Variants in ARL15 observed in about 807,000 individuals in gnomAD.
The protein encoded by ARL15 is ADP-ribosylation factor-like protein 15.
ARL15 carries 19 observed loss-of-function variants against 25.2 expected under a neutral mutation model. The observed-to-expected ratio is 0.75, with a 90% CI of 0.53 to 1.10. The LOEUF (loss-of-function observed/expected upper bound fraction) is 1.10. Ranked by LOEUF, ARL15 falls within the 50% of genes least tolerant of loss-of-function variation. The pLI, the probability that ARL15 is intolerant of heterozygous loss-of-function variation, is 0.00. For synonymous variants in ARL15, 94 were observed against 86.8 expected (o/e 1.08, Z -0.46); for missense variants, 220 against 246.0 (o/e 0.89, Z 0.71).
intron 4 of ARL15, among the ~76,000 whole-genome samples, chr5:54,104,677 C>A (rs962720050): frequency 3.3e-5 from 5 of 152,064 alleles, no homozygotes; most frequent in Non-Finnish European, 5.9e-5. Context: ...ATTATAATTT[C>A]AAGCTCCACA....
chr5:54,238,429 G>A (rs187754614), intron 1 of ARL15, among the ~76,000 whole-genome samples: 5 of 152,254 alleles, frequency 3.3e-5, no homozygotes, highest in East Asian at 3.9e-4. Context: ...GGAAGCCGAC[G>A]GTGAGTGAAA....
chr5:54,189,455 C>G (rs1755334332), intron 1 of ARL15, among the ~76,000 whole-genome samples: 1 of 151,936 alleles, frequency 6.6e-6, no homozygotes, highest in Non-Finnish European at 1.5e-5. Context: ...ACATATAGAC[C>G]AATGAAATAG....
At chr5:54,162,024 C>CACACAGAG (rs148833900) in intron 2 of ARL15, among the ~76,000 whole-genome samples, 9 of 145,340 alleles carry the variant, frequency 6.2e-5, no homozygotes, top group Non-Finnish European at 1.0e-4. Context: ...CACACACACA[C>CACACAGAG]AGAGAGAGAT....
chr5:53,996,326 A>AC (rs1420929117), intron 4 of ARL15, among the ~76,000 whole-genome samples: 1 of 152,124 alleles, frequency 6.6e-6, no homozygotes, highest in African/African-American at 2.4e-5. Flanking sequence ...CAACATTAGA[A>AC]CACCCCTTCA....
chr5:54,308,364 T>G (rs1758814203), intron 1 of ARL15, among the ~76,000 whole-genome samples: 2 of 152,126 alleles, frequency 1.3e-5, no homozygotes, highest in African/African-American at 2.4e-5. Context: ...TCACTGCACT[T>G]GTGAATTTTA....
chr5:53,947,788 A>G (rs1746798889), intron 4 of ARL15, among the ~76,000 whole-genome samples: 1 of 152,222 alleles, frequency 6.6e-6, no homozygotes, highest in African/African-American at 2.4e-5. Flanking sequence ...TGAGTTGTTC[A>G]TATTCAACTT....
At chr5:54,120,170 A>G (rs1753028591) in intron 3 of ARL15, among the ~76,000 whole-genome samples, 2 of 152,228 alleles carry the variant, frequency 1.3e-5, no homozygotes, top group Admixed American at 1.3e-4. Flanking sequence ...ATTCTTTGCT[A>G]TACAAATAAT....
At chr5:53,982,098 G>A (rs979649562) in intron 4 of ARL15, among the ~76,000 whole-genome samples, 1 of 151,846 alleles carries the variant, frequency 6.6e-6, no homozygotes, top group South Asian at 2.1e-4. Flanking sequence ...CTCAGAAATG[G>A]AATGAAAGCT....
chr5:54,005,934 G>T (rs1197437287), intron 4 of ARL15, among the ~76,000 whole-genome samples: 1 of 151,178 alleles, frequency 6.6e-6, no homozygotes, highest in Non-Finnish European at 1.5e-5. Context: ...AGCTACTCAG[G>T]AGGCTGTAGC....
At chr5:54,065,885 T>C (rs1019381878) in intron 4 of ARL15, among the ~76,000 whole-genome samples, 2 of 152,202 alleles carry the variant, frequency 1.3e-5, no homozygotes, top group South Asian at 2.1e-4. Context: ...ACTTATTCTA[T>C]TTATTTTAAC....
chr5:54,220,931 T>G (rs1300439914), intron 1 of ARL15, among the ~76,000 whole-genome samples: 1 of 152,154 alleles, frequency 6.6e-6, no homozygotes, highest in African/African-American at 2.4e-5. Context: ...TGTCTTTTTT[T>G]TTTCCCTTTA....
rs547306622 is a variant in ARL15 at position 54,076,165 on chromosome 5, C to A, written c.462+37037G>T. ...GGCGCGGTGGCTCACGGCTGTAATC[C>A]CAGCGCTTTGGGAGGCCAAGGCGGG... On this transcript the variant is annotated intron_variant, in intron 4 of 4. Transcript: ENST00000504924. 3.9e-5 allele frequency among the ~76,000 whole-genome samples: 6 copies of A among 152,040 alleles called. No individual in the cohort carries two copies. The South Asian group carries it at 1.2e-3, about 32-fold the overall frequency.
At chr5:53,907,469 TA>T (rs1745283806) in intron 4 of ARL15, among the ~76,000 whole-genome samples, 1 of 23,902 alleles carries the variant, frequency 4.2e-5, no homozygotes, top group Non-Finnish European at 9.3e-5. Flanking sequence ...TATATATATA[TA>T]TATATATATA....
At chr5:53,946,147 A>C (rs1746722014) in intron 4 of ARL15, among the ~76,000 whole-genome samples, 1 of 152,194 alleles carries the variant, frequency 6.6e-6, no homozygotes, top group African/African-American at 2.4e-5. Context: ...CTAGCACAGA[A>C]CTTTTGGGCT....
chr5:54,100,398 T>C (rs1221461816), intron 4 of ARL15, among the ~76,000 whole-genome samples: 1 of 152,092 alleles, frequency 6.6e-6, no homozygotes, highest in Non-Finnish European at 1.5e-5. Flanking sequence ...ACAAACATGA[T>C]AAAATGTTAA....
intron 4 of ARL15, among the ~76,000 whole-genome samples, chr5:54,039,284 G>A (rs1389236766): frequency 1.3e-5 from 2 of 152,190 alleles, no homozygotes; most frequent in East Asian, 1.9e-4. Context: ...ATTGGCAGAT[G>A]AAAATGAAGA....
chr5:54,220,048 C>T (rs1274031981), intron 1 of ARL15, among the ~76,000 whole-genome samples: 1 of 152,046 alleles, frequency 6.6e-6, no homozygotes, highest in Non-Finnish European at 1.5e-5. Context: ...ATTCCTATAA[C>T]AGATTATTTA....
At chr5:54,086,471 G>A (rs17319376) in intron 4 of ARL15, among the ~76,000 whole-genome samples, 4,027 of 149,038 alleles carry the variant, frequency 0.027, 76 homozygotes, top group Non-Finnish European at 0.042. Context: ...TATGTGTTTC[G>A]CAGTAGCTTA....
chr5:54,233,140 C>T (rs1431607341), intron 1 of ARL15, among the ~76,000 whole-genome samples: 4 of 152,152 alleles, frequency 2.6e-5, no homozygotes, highest in Non-Finnish European at 5.9e-5. Context: ...AGTAAACTAT[C>T]AATTTTATTA....
Sources: allele counts gnomAD v4.1 joint callset (sites outside exome capture counted in the v4.1 genomes callset), GRCh38; gene constraint gnomAD v4.1.1; transcripts MANE v1.5; gene names NCBI Gene and HGNC (gene_info 2026-07-23, HGNC 2026-07-21).